Variants in DNAH1 observed in about 807,000 individuals in gnomAD.
DNAH1 encodes dynein axonemal heavy chain 1.
Under a neutral mutation model 484.3 loss-of-function variants are expected in DNAH1, and 327 were observed. The ratio of observed to expected loss-of-function variants is 0.68; its 90% CI spans 0.62 to 0.74. The LOEUF is 0.74. DNAH1 is among the 30% of genes least tolerant of loss of function. DNAH1 has a pLI of 0.00. For missense variants in DNAH1, 5,052 were observed against 5,546.8 expected (o/e 0.91, Z 2.83); for synonymous variants, 2,192 against 2,191.9 (o/e 1.00, Z 0.00).
intron 11 of DNAH1, 83 bp downstream of exon 11, chr3:52,346,853 GCCAGGGTGC>G: frequency 6.9e-7 from 1 of 1,442,494 alleles, no homozygotes; most frequent in Non-Finnish European, 9.4e-7. Flanking sequence ...AGGGACCAGG[GCCAGGGTGC>G]CCATCCATGC....
chr3:52,332,709 C>T (rs1364772174), intron 8 of DNAH1, among the ~76,000 whole-genome samples: 1 of 152,152 alleles, frequency 6.6e-6, no homozygotes, highest in African/African-American at 2.4e-5. Context: ...CCTGTGTCGC[C>T]TTACCATGTT....
At chr3:52,346,081 A>G (rs1342408220) in intron 10 of DNAH1, among the ~76,000 whole-genome samples, 1 of 151,996 alleles carries the variant, frequency 6.6e-6, no homozygotes, top group Non-Finnish European at 1.5e-5. Context: ...CCCCCTCTGC[A>G]CTCAACTCTG....
At chr3:52,384,421 C>G (rs900134169) in intron 52 of DNAH1, among the ~76,000 whole-genome samples, 5 of 152,156 alleles carry the variant, frequency 3.3e-5, no homozygotes, top group African/African-American at 9.7e-5. Context: ...CCTGTCTCCC[C>G]CTAGATCCAG....
intron 44 of DNAH1, chr3:52,374,559 T>A (rs567642241): frequency 6.7e-7 from 1 of 1,501,352 alleles, no homozygotes; most frequent in Admixed American, 1.7e-5. Flanking sequence ...GTTGGCCAAA[T>A]GTGTCTCCAG....
At chr3:52,382,541 T>C in intron 50 of DNAH1, 86 bp downstream of exon 50, 1 of 1,562,480 alleles carries the variant, frequency 6.4e-7, no homozygotes, top group Non-Finnish European at 8.7e-7. Flanking sequence ...TGGCCAGTCC[T>C]TCATGCCCAG....
Position 52,363,034 on chromosome 3 carries a change from G to A in DNAH1, c.5134G>A (p.Ala1712Thr), listed in dbSNP as rs1351201826. The change falls in exon 32 of 78, where the codon GCC (alanine) becomes ACC (threonine). Residue 1712 changes from alanine to threonine, a missense_variant. Around this residue, in one of 4 missense-constraint regions of DNAH1, gnomAD observed 2,929 missense variants for 3,409.4 expected, o/e 0.86. Coordinates refer to ENST00000420323, the MANE Select transcript of DNAH1 (RefSeq NM_015512.5). ...CGTGGCCATGATGGTTCCAGATTAC[G>A]CCATGATCACTGAGATCTCCCTCTA... is the stretch of plus-strand genomic sequence containing the variant. Reference protein sequence around the residue: ...RPVAMMVPDYAMITEISLYSF... With the variant: ...RPVAMMVPDYTMITEISLYSF... 1 of 1,613,980 alleles carries A rather than the reference G, an allele frequency of 6.2e-7. No homozygotes were observed. Among genetic ancestry groups the A allele is most frequent in the South Asian group, 1.1e-5 (1 of 91,082 alleles).
intron 8 of DNAH1, among the ~76,000 whole-genome samples, chr3:52,343,278 A>G (rs13091545): frequency 0.27 from 41,603 of 152,052 alleles, 8,389 homozygotes; most frequent in African/African-American, 0.57. Flanking sequence ...GGGACATACC[A>G]GAGTGTGTGG....
rs372432693 is a variant in DNAH1 at position 52,388,886 on chromosome 3, C to T, written c.9444C>T (p.Ser3148=). 20 of 1,613,230 alleles carry T rather than the reference C, an allele frequency of 1.2e-5. No homozygotes were observed. Among genetic ancestry groups the T allele is most frequent in the Middle Eastern group, 3.3e-4 (2 of 6,048 alleles). The stretch of plus-strand genomic sequence containing the variant: ...TGCAGTACATGCTCAACAACATCTC[C>T]GGCGATGTCCTGGTGGCCGCTGGCT... ...ENLQYMLNNI[S]GDVLVAAGFV... The change falls in exon 59 of 78, where the codon TCC becomes TCT. Residue 3148 remains serine, a synonymous_variant. Coordinates refer to ENST00000420323, the MANE Select transcript of DNAH1 (RefSeq NM_015512.5).
Position 52,326,252 on chromosome 3 carries a change from C to T in DNAH1, c.519C>T (p.Pro173=), listed in dbSNP as rs1233684785. ...ACTTCCCACTGCAGGCCTACGAGCCCAAGATGCAGGTGCCTTTCCAGGTGC... is the reference window on the plus strand; with the variant it reads ...ACTTCCCACTGCAGGCCTACGAGCCTAAGATGCAGGTGCCTTTCCAGGTGC... ...QTDFPLQAYE[P]KMQVPFQVLP... The change falls in exon 4 of 78, where the codon CCC becomes CCT. Residue 173 remains proline (P), a synonymous_variant. Coordinates refer to ENST00000420323, the MANE Select transcript of DNAH1 (RefSeq NM_015512.5). The T allele has an allele frequency of 1.9e-6, 3 of 1,612,774 alleles. No homozygotes were observed. Among genetic ancestry groups the T allele is most frequent in the Admixed American group, 1.7e-5 (1 of 59,964 alleles).
At chr3:52,393,772 G>C (rs537880675) in intron 66 of DNAH1, among the ~76,000 whole-genome samples, 1 of 152,218 alleles carries the variant, frequency 6.6e-6, no homozygotes, top group South Asian at 2.1e-4. Context: ...GGTGGTGCAC[G>C]CCTGTAATCC....
At position 52,360,427 on chromosome 3, in the gene DNAH1, A is replaced by T. The variant is rs1038335309; in HGVS notation, c.4685+3A>T. The T allele has an allele frequency of 5.0e-6, 8 of 1,611,736 alleles. No individual in the cohort carries two copies. The highest frequency in any genetic ancestry group is 5.9e-6 in the Non-Finnish European group (7 of 1,178,110). The stretch of plus-strand genomic sequence containing the variant: ...GTGATCACGCCCCTCACCGACAGGT[A>T]AGCGTTCCCCTCTTGCTCCTTCCCA... On this transcript the variant is annotated splice_donor_region_variant and intron_variant, in intron 28 of 77. Coordinates refer to ENST00000420323, the MANE Select transcript of DNAH1 (RefSeq NM_015512.5).
rs991909336 is a variant in DNAH1 at position 52,395,257 on chromosome 3, C to T, written c.10969-51C>T. 6.7e-5 allele frequency: 106 copies of T among 1,589,296 alleles called. 1 individual carries two copies. The highest frequency in any genetic ancestry group is 3.8e-4 in the South Asian group (33 of 87,832). ...AACCCCAGATCCCCCTCCCTTGCCCCGATCTCTCTGCAGCCCCAGGTGGTC... is the reference window on the plus strand; with the variant it reads ...AACCCCAGATCCCCCTCCCTTGCCCTGATCTCTCTGCAGCCCCAGGTGGTC... On this transcript the variant is annotated intron_variant, in intron 68 of 77. Transcript: ENST00000420323. This position sits in a 1 kb window ranked among gnomAD's most constrained non-coding sequence, Gnocchi z 4.4.
rs1704639007 is a variant in DNAH1, at chr3:52,396,608, C to T, written c.11431-10C>T. On this transcript the variant is annotated splice_polypyrimidine_tract_variant and intron_variant, in intron 71 of 77. Coordinates refer to ENST00000420323, the MANE Select transcript of DNAH1 (RefSeq NM_015512.5). ...CGCTCCTCACCTCCCCTGCCTCCCA[C>T]CTCCCCCAGGTGATGGAGTTCAAGT... 5 of 1,611,014 alleles carry T rather than the reference C, an allele frequency of 3.1e-6. No homozygotes were observed. The highest frequency in any genetic ancestry group is 1.7e-4 in the Middle Eastern group (1 of 6,054).
At position 52,380,238 on chromosome 3, in the gene DNAH1, A is replaced by G. The variant is rs1480618227; in HGVS notation, c.7608+103A>G. 9.6e-6 allele frequency: 10 copies of G among 1,047,078 alleles called. No individual in the cohort carries two copies. In the East Asian group the frequency reaches 1.3e-4, roughly 14 times the overall value. The allele number at this position is 1,047,078 out of a possible 1,614,324, so 64.9% of individuals were successfully genotyped here. A position where few individuals can be genotyped will look rare whatever the true frequency, so the allele number is the denominator to read the frequency against. ...GTCACCACTAACAGACTACCACACT[A>G]TAACCAGGGGGCCAGGACGCGGGGT... On this transcript the variant is annotated intron_variant, in intron 48 of 77. Coordinates refer to ENST00000420323, the MANE Select transcript of DNAH1 (RefSeq NM_015512.5).
chr3:52,348,819 C>G, intron 12 of DNAH1, 69 bp from the exon 13 acceptor site: 2 of 1,543,096 alleles, frequency 1.3e-6, no homozygotes. Flanking sequence ...GAGGACTCCC[C>G]ATCTCCCCTC....
At chr3:52,346,891 G>T in intron 11 of DNAH1, 121 bp downstream of exon 11, 1 of 1,113,300 alleles carries the variant, frequency 9.0e-7, no homozygotes, top group Non-Finnish European at 1.3e-6. Context: ...AGGCAGTAAG[G>T]AGAGCCGAGC....
At position 52,395,188 on chromosome 3, in the gene DNAH1, A is replaced by G; in HGVS notation, c.10969-120A>G. 6.7e-7 allele frequency: 1 copy of G among 1,492,148 alleles called. No individual in the cohort carries two copies. 92.4% of individuals were successfully genotyped at this position (1,492,148 alleles called of 1,614,324 possible). A position where few individuals can be genotyped will look rare whatever the true frequency, so the allele number is the denominator to read the frequency against. ...CCCTGCTTGCTCCCTAAAGGCTCTG[A>G]GGTTCCAGCCCCCACCAGGAAGCCC... On this transcript the variant is annotated intron_variant, in intron 68 of 77. Coordinates refer to ENST00000420323, the MANE Select transcript of DNAH1 (RefSeq NM_015512.5). This position sits in a 1 kb window ranked among gnomAD's most constrained non-coding sequence, Gnocchi z 4.4.
chr3:52,349,525 G>A, intron 14 of DNAH1, 105 bp downstream of exon 14: 1 of 1,130,578 alleles, frequency 8.8e-7, no homozygotes, highest in Non-Finnish European at 1.3e-6. Context: ...AGGGTCTGGG[G>A]TGTCTGTGGA....
chr3:52,356,784 C>G lies in DNAH1; in HGVS notation c.3858+6C>G, dbSNP rs753454318. The G allele has an allele frequency of 6.3e-7, 1 of 1,595,808 alleles. No individual in the cohort carries two copies. Among genetic ancestry groups the G allele is most frequent in the East Asian group, 2.3e-5 (1 of 44,154 alleles). On this transcript the variant is annotated splice_donor_region_variant and intron_variant, in intron 22 of 77. Transcript: ENST00000420323. Reference sequence around the variant, plus strand: ...ATGCCTACGAGAACCGGGAGGCAAGCTCAATGAGGGTGGGAGGGGCAGCTG... The same window carrying G: ...ATGCCTACGAGAACCGGGAGGCAAGGTCAATGAGGGTGGGAGGGGCAGCTG...
Sources: gnomAD v4.1 joint callset for allele counts (sites outside exome capture counted in the v4.1 genomes callset) on GRCh38, gnomAD v4.1.1 for gene constraint, gnomAD v4.1.1 regional missense constraint, Gnocchi (gnomAD v3.1) non-coding constraint, MANE v1.5 for transcripts, NCBI Gene and HGNC (gene_info 2026-07-23, HGNC 2026-07-21) for gene names.